Variants in PYY observed in about 807,000 individuals in gnomAD.
PYY encodes peptide tyrosine tyrosine.
A neutral mutation model predicts 10.3 loss-of-function variants in PYY; 12 were observed. The observed-to-expected ratio is 1.17, with a 90% confidence interval of 0.75 to 1.89. The LOEUF (loss-of-function observed/expected upper bound fraction) is 1.89. PYY is among the 40% of genes most tolerant of loss of function. The pLI is 0.00. For synonymous variants in PYY, 66 were observed against 62.0 expected (o/e 1.06, Z -0.30); for missense variants, 141 against 134.0 (o/e 1.05, Z -0.26).
At position 43,959,593 on chromosome 17, in the gene PYY, A is replaced by G. The variant is rs148247101; in HGVS notation, c.-217-1565T>C. Among the ~76,000 whole-genome samples, 532 of 152,384 alleles carry G rather than the reference A, an allele frequency of 3.5e-3. 3 individuals carry two copies. Among genetic ancestry groups the G allele is most frequent in the African/African-American group, 0.012 (505 of 41,594 alleles). On this transcript the variant is annotated intron_variant, in intron 2 of 6. Coordinates refer to the PYY transcript ENST00000360085. The stretch of plus-strand genomic sequence containing the variant: ...GCTACTTGCGAGACTGAGGCAGGAG[A>G]ATCACTTGAACCTGGGAGGCGGAGA...
chr17:43,986,942 C>T lies in PYY; in HGVS notation c.-463+17449G>A, dbSNP rs549153870. ...TCCTATGAGGTTCACATTATTAGCTCCACATTACTCATAGGGAAACTGAGG... is the reference window on the plus strand; with the variant it reads ...TCCTATGAGGTTCACATTATTAGCTTCACATTACTCATAGGGAAACTGAGG... On this transcript the variant is annotated intron_variant, in intron 1 of 6. Transcript: ENST00000360085. Among the ~76,000 whole-genome samples the T allele has an allele frequency of 1.6e-4, 24 of 152,320 alleles. No homozygotes were observed. In the South Asian group the frequency reaches 4.1e-3, roughly 26 times the overall value.
At chr17:43,969,636 CGCCTATAATTCCAAT>C (rs1287316463) in intron 1 of PYY, among the ~76,000 whole-genome samples, 1 of 151,916 alleles carries the variant, frequency 6.6e-6, no homozygotes, top group Non-Finnish European at 1.5e-5. Flanking sequence ...GGGTATCTCA[CGCCTATAATTCCAAT>C]GCCTTGGGAG....
intron 1 of PYY, among the ~76,000 whole-genome samples, chr17:43,990,599 C>T (rs2048950478): frequency 6.6e-6 from 1 of 152,036 alleles, no homozygotes; most frequent in Non-Finnish European, 1.5e-5. Context: ...CAACCTAATA[C>T]ATGCAATCGG....
At chr17:43,958,775 C>T (rs1279190322), upstream of PYY, among the ~76,000 whole-genome samples, 1 of 152,204 alleles carries the variant, frequency 6.6e-6, no homozygotes, top group Non-Finnish European at 1.5e-5. Flanking sequence ...ATTCAGCTAC[C>T]TCTGGGTTGA....
intron 1 of PYY, among the ~76,000 whole-genome samples, chr17:43,982,062 C>A (rs1391532502): frequency 1.3e-5 from 2 of 152,150 alleles, no homozygotes; most frequent in African/African-American, 4.8e-5. Flanking sequence ...GCAATTAGAT[C>A]AAATTGCCTC....
At chr17:43,989,865 T>C (rs1567936595) in intron 1 of PYY, among the ~76,000 whole-genome samples, 1 of 2,442 alleles carries the variant, frequency 4.1e-4, no homozygotes, top group African/African-American at 1.1e-3. Flanking sequence ...TATATATATA[T>C]ATATATATAT....
intron 1 of PYY, among the ~76,000 whole-genome samples, chr17:43,993,459 CAA>C (rs752399900): frequency 4.0e-4 from 41 of 102,542 alleles, no homozygotes; most frequent in Non-Finnish European, 3.5e-4. Flanking sequence ...ACTCCATCTC[CAA>C]AAAAAAAAAA....
chr17:43,975,532 AT>A (rs1422693380), intron 1 of PYY, among the ~76,000 whole-genome samples: 1 of 151,724 alleles, frequency 6.6e-6, no homozygotes, highest in Non-Finnish European at 1.5e-5. Flanking sequence ...ACATAGCGAA[AT>A]CTTGTCCTAC....
At chr17:43,992,372 G>C (rs2048963075) in intron 1 of PYY, among the ~76,000 whole-genome samples, 1 of 152,060 alleles carries the variant, frequency 6.6e-6, no homozygotes, top group South Asian at 2.1e-4. Flanking sequence ...CTTAAGGTCA[G>C]GAGCTCGAGA....
chr17:43,995,254 C>T (rs1462485100), intron 1 of PYY, among the ~76,000 whole-genome samples: 5 of 152,210 alleles, frequency 3.3e-5, no homozygotes, highest in Non-Finnish European at 1.5e-5. Flanking sequence ...ATCTCCTATC[C>T]GCACATTAAC....
chr17:43,980,608 G>A lies in PYY; in HGVS notation c.-462-14076C>T, dbSNP rs1328696095. Among the ~76,000 whole-genome samples the A allele has an allele frequency of 2.0e-5, 3 of 151,558 alleles. No homozygotes were observed. In the East Asian group the frequency reaches 5.8e-4, roughly 29 times the overall value. ...TCTGCCTTAGCCTCCGGAGTAGCTG[G>A]GATTACAGGTGCCCACCACCACACT... On this transcript the variant is annotated intron_variant, in intron 1 of 6. Transcript: ENST00000360085.
chr17:43,984,909 TTGTC>T (rs1389313424), intron 1 of PYY, among the ~76,000 whole-genome samples: 5 of 151,304 alleles, frequency 3.3e-5, no homozygotes, highest in African/African-American at 4.8e-5. Context: ...GGGCATGACT[TTGTC>T]TGTTTCTCTT....
intron 1 of PYY, among the ~76,000 whole-genome samples, chr17:43,991,709 A>T (rs917251785): frequency 2.0e-5 from 3 of 151,796 alleles, no homozygotes; most frequent in Non-Finnish European, 4.4e-5. Context: ...CCATAGTCCC[A>T]GCTACCTGGG....
intron 2 of PYY, among the ~76,000 whole-genome samples, chr17:43,961,787 G>A (rs1405750994): frequency 6.6e-6 from 1 of 152,068 alleles, no homozygotes; most frequent in Non-Finnish European, 1.5e-5. Flanking sequence ...GCCTCCCAAA[G>A]TGCTGAGATT....
Position 43,960,394 on chromosome 17 carries a change from T to G in PYY, c.-217-2366A>C, listed in dbSNP as rs71385015. Among the ~76,000 whole-genome samples, 640 of 145,310 alleles carry G rather than the reference T, an allele frequency of 4.4e-3. 4 individuals carry two copies. Among genetic ancestry groups the G allele is most frequent in the African/African-American group, 0.016 (615 of 38,950 alleles). On this transcript the variant is annotated intron_variant, in intron 2 of 6. Coordinates refer to the PYY transcript ENST00000360085. ...CCCATCTCTACTAAAAATGCAAAAA[T>G]TAGCCAGGCATGGTGGCAGGTGCCT...
chr17:43,968,438 C>G (rs1597847993), intron 1 of PYY, among the ~76,000 whole-genome samples: 1 of 151,818 alleles, frequency 6.6e-6, no homozygotes, highest in East Asian at 1.9e-4. Context: ...ACCCTGAGAC[C>G]AAAATGAAAC....
chr17:44,000,059 G>A lies in PYY; in HGVS notation c.-463+4332C>T, dbSNP rs537828991. On this transcript the variant is annotated intron_variant, in intron 1 of 6. Transcript: ENST00000360085. Reference sequence around the variant, plus strand: ...AGAAAAGCCTCACTCTGTTGCCCACGTTGGAGTGCAGTGGCGTGGTCATAG... The same window carrying A: ...AGAAAAGCCTCACTCTGTTGCCCACATTGGAGTGCAGTGGCGTGGTCATAG... Among the ~76,000 whole-genome samples, 26 of 152,116 alleles carry A rather than the reference G, an allele frequency of 1.7e-4. No individual in the cohort carries two copies. In the East Asian group the frequency reaches 2.1e-3, roughly 12 times the overall value.
chr17:43,998,385 G>C (rs1317997275), intron 1 of PYY, among the ~76,000 whole-genome samples: 1 of 152,022 alleles, frequency 6.6e-6, no homozygotes, highest in African/African-American at 2.4e-5. Context: ...CGATGAAACC[G>C]TGTCTCTACT....
At chr17:43,980,156 C>CTTTTTTT (rs569138857) in intron 1 of PYY, among the ~76,000 whole-genome samples, 4 of 100,660 alleles carry the variant, frequency 4.0e-5, no homozygotes, top group East Asian at 2.5e-4. Flanking sequence ...TCCCCTCCAC[C>CTTTTTTT]TTTTTTTTTT....
Sources: allele counts gnomAD v4.1 joint callset (sites outside exome capture counted in the v4.1 genomes callset), GRCh38; gene constraint gnomAD v4.1.1; transcripts MANE v1.5; gene names NCBI Gene and HGNC (gene_info 2026-07-23, HGNC 2026-07-21).